STOX2: variants seen among roughly 807,000 people sequenced by gnomAD.
The protein encoded by STOX2 is storkhead box 2, also known as storkhead-box protein 2.
A neutral mutation model predicts 60.9 loss-of-function variants in STOX2; 28 were observed. That is an observed-to-expected ratio of 0.46 (90% CI 0.34 to 0.63). STOX2 has a LOEUF of 0.63. STOX2 is among the 30% of genes least tolerant of loss of function. The probability of loss-of-function intolerance (pLI) is 0.01; values close to 1 mark genes in which losing one functional copy is unlikely to be tolerated. For synonymous variants in STOX2, 472 were observed against 463.9 expected, an observed-to-expected ratio of 1.02 and a Z score of -0.22; for missense variants, 1,024 against 1,187.7, an observed-to-expected ratio of 0.86 and a Z score of 2.03.
intron 1 of STOX2, among the ~76,000 whole-genome samples, chr4:183,894,261 C>G (rs1741292728): frequency 6.6e-6 from 1 of 152,236 alleles, no homozygotes; most frequent in African/African-American, 2.4e-5. Flanking sequence ...AGCTAATCCT[C>G]TGTGCTTGAA....
chr4:183,851,497 GGATGAGGGAAAGGATGAGAGAAAC>G (rs1560845836), intron 1 of STOX2, among the ~76,000 whole-genome samples: 338 of 52,028 alleles, frequency 6.5e-3, no homozygotes, highest in Middle Eastern at 0.029. Context: ...ATGAGGGAAA[GGATGAGGGAAAGGATGAGAGAAAC>G]GATGAGGGAA....
chr4:183,851,600 G>A (rs1463580473), intron 1 of STOX2, among the ~76,000 whole-genome samples: 5 of 81,232 alleles, frequency 6.2e-5, no homozygotes, highest in African/African-American at 1.5e-4. Context: ...AAAGGATGAG[G>A]GAAAGGATGA....
In STOX2 at chr4:183,989,180, T is replaced by G. The variant is rs1255146425; in HGVS notation, c.167-12145T>G. On this transcript the variant is annotated intron_variant, in intron 1 of 3. Transcript: ENST00000308497. The stretch of plus-strand genomic sequence containing the variant: ...TGACATTTTTTCTGGTTTTTTTTTT[T>G]TTTTTTTTTTTTTGTTTGTTTGGTT... Among the ~76,000 whole-genome samples, 494 of 52,646 alleles carry G rather than the reference T, an allele frequency of 9.4e-3. 3 individuals are homozygous for G. The highest frequency in any genetic ancestry group is 0.027 in the African/African-American group (344 of 12,674). The allele number at this position is 52,646 out of a possible 152,430, so 34.5% of individuals were successfully genotyped here.
intron 1 of STOX2, among the ~76,000 whole-genome samples, chr4:183,980,782 G>T (rs1310368442): frequency 6.6e-6 from 1 of 151,926 alleles, no homozygotes; most frequent in Non-Finnish European, 1.5e-5. Flanking sequence ...AGCACCTTGA[G>T]GTCAGAGGTT....
chr4:183,871,896 A>G (rs1210752473), intron 1 of STOX2, among the ~76,000 whole-genome samples: 3 of 152,084 alleles, frequency 2.0e-5, no homozygotes, highest in Non-Finnish European at 2.9e-5. Context: ...TTTGTAAGAG[A>G]GATAGAGGAT....
intron 1 of STOX2, among the ~76,000 whole-genome samples, chr4:183,878,363 T>C (rs1400651735): frequency 4.6e-5 from 7 of 152,252 alleles, no homozygotes; most frequent in Non-Finnish European, 1.0e-4. Flanking sequence ...TGGTGTTTTT[T>C]GAAACAGCTA....
rs375789679 is a variant in STOX2, at chr4:184,018,663, G to A, written c.*1379G>A. The A allele has an allele frequency of 3.3e-5, 5 of 152,156 alleles. No individual in the cohort carries two copies. The highest frequency in any genetic ancestry group is 1.2e-4 in the African/African-American group (5 of 41,434). 9.4% of individuals were successfully genotyped at this position (152,156 alleles called of 1,614,324 possible). A position where few individuals can be genotyped will look rare whatever the true frequency, so the allele number is the denominator to read the frequency against. Reference sequence around the variant, plus strand: ...AATTAGACCAACTTATTTCCAAATGGTTTGTTAACATTTTGCTTTGGTTTA... The same window carrying A: ...AATTAGACCAACTTATTTCCAAATGATTTGTTAACATTTTGCTTTGGTTTA... On this transcript the variant is annotated 3_prime_UTR_variant, in exon 4 of 4. Transcript: ENST00000308497.
At position 183,910,747 on chromosome 4, in the gene STOX2, C is replaced by T. The variant is rs543953554; in HGVS notation, c.166+3791C>T. ...AGTAAAGCGTGCGTTTTTAATACTA[C>T]GGTTTTAAAGCCTTTGAAAAGAAAG... On this transcript the variant is annotated intron_variant, in intron 1 of 3. Transcript: ENST00000308497. 3.0e-3 allele frequency among the ~76,000 whole-genome samples: 458 copies of T among 152,242 alleles called. 3 individuals carry two copies. The highest frequency in any genetic ancestry group is 0.024 in the Middle Eastern group (7 of 294).
chr4:183,807,930 C>T (rs1738943849), intron 1 of STOX2, among the ~76,000 whole-genome samples: 1 of 152,236 alleles, frequency 6.6e-6, no homozygotes, highest in Admixed American at 6.5e-5. Flanking sequence ...GTGGATTTAT[C>T]TACCCAACAG....
intron 1 of STOX2, among the ~76,000 whole-genome samples, chr4:183,818,927 C>T (rs866474898): frequency 4.6e-5 from 7 of 151,792 alleles, no homozygotes; most frequent in South Asian, 2.1e-4. Flanking sequence ...CGGGAAGAGG[C>T]GGTCCTCACT....
chr4:183,951,721 CA>C (rs1743101435), intron 1 of STOX2, among the ~76,000 whole-genome samples: 1 of 151,978 alleles, frequency 6.6e-6, no homozygotes, highest in South Asian at 2.1e-4. Flanking sequence ...AGGCAGATCA[CA>C]AGGTCAGGAG....
chr4:183,876,020 T>C (rs1315158887), intron 1 of STOX2, among the ~76,000 whole-genome samples: 2 of 152,186 alleles, frequency 1.3e-5, no homozygotes, highest in African/African-American at 4.8e-5. Flanking sequence ...GCCACATGAA[T>C]ACTTTAGATA....
Position 184,001,494 on chromosome 4 carries a change from G to T in STOX2, c.319+17G>T. Reference sequence around the variant, plus strand: ...GCTTCCCAGGTAACGAGGCGGGAACGTAGCACTTTCCAGGTGGCGGTGTGC... The same window carrying T: ...GCTTCCCAGGTAACGAGGCGGGAACTTAGCACTTTCCAGGTGGCGGTGTGC... On this transcript the variant is annotated intron_variant, in intron 2 of 3. Coordinates refer to ENST00000308497, the MANE Select transcript of STOX2 (RefSeq NM_020225.3). The surrounding 1 kb of genome is among the most constrained non-coding windows in gnomAD (Gnocchi z 4.2). The T allele has an allele frequency of 6.2e-7, 1 of 1,612,624 alleles. No homozygotes were observed.
intron 1 of STOX2, among the ~76,000 whole-genome samples, chr4:183,805,408 G>T (rs1738866769): frequency 6.6e-6 from 1 of 152,198 alleles, no homozygotes; most frequent in Non-Finnish European, 1.5e-5. Flanking sequence ...TAGATGTATT[G>T]CCAAAGTACA....
At chr4:183,879,783 G>A (rs1380911635) in intron 1 of STOX2, among the ~76,000 whole-genome samples, 3 of 151,964 alleles carry the variant, frequency 2.0e-5, no homozygotes, top group Non-Finnish European at 4.4e-5. Flanking sequence ...AGGCTTGGGG[G>A]ATGGGAGCAG....
At chr4:183,833,301 C>T (rs775808338) in intron 1 of STOX2, among the ~76,000 whole-genome samples, 5 of 152,104 alleles carry the variant, frequency 3.3e-5, no homozygotes, top group Admixed American at 6.5e-5. Context: ...CTTAGCAGAA[C>T]GCTTAGGTCT....
At chr4:183,994,359 G>A (rs746237330) in intron 1 of STOX2, among the ~76,000 whole-genome samples, 1 of 152,192 alleles carries the variant, frequency 6.6e-6, no homozygotes, top group African/African-American at 2.4e-5. Flanking sequence ...CATTAGTCCT[G>A]AGGAACAAAG....
At chr4:183,973,330 G>C (rs1487081439) in intron 1 of STOX2, among the ~76,000 whole-genome samples, 1 of 152,150 alleles carries the variant, frequency 6.6e-6, no homozygotes, top group Non-Finnish European at 1.5e-5. Context: ...AGGGAAAAAT[G>C]CTACATAACA....
chr4:183,926,926 A>G (rs1240030003), intron 1 of STOX2, among the ~76,000 whole-genome samples: 1 of 152,224 alleles, frequency 6.6e-6, no homozygotes, highest in East Asian at 1.9e-4. Flanking sequence ...CCGACCACAA[A>G]TAGTGTTTTT....
Sources: gnomAD v4.1 joint callset for allele counts (sites outside exome capture counted in the v4.1 genomes callset) on GRCh38, gnomAD v4.1.1 for gene constraint, Gnocchi (gnomAD v3.1) non-coding constraint, MANE v1.5 for transcripts, NCBI Gene and HGNC (gene_info 2026-07-23, HGNC 2026-07-21) for gene names.